The following CGNL1 variants were observed in gnomAD, a reference collection of about 807,000 sequenced individuals.
CGNL1 encodes cingulin like 1, also known as cingulin-like protein 1.
In CGNL1, 132 loss-of-function variants were observed where a neutral mutation model predicts 141.2. The ratio of observed to expected loss-of-function variants is 0.93; its 90% CI spans 0.81 to 1.08. The LOEUF (loss-of-function observed/expected upper bound fraction) is 1.08, where lower values mean the gene tolerates loss of function less well. Ranked by LOEUF, CGNL1 falls within the 50% of genes least tolerant of loss-of-function variation. The probability of loss-of-function intolerance (pLI) is 0.00; values close to 1 mark genes in which losing one functional copy is unlikely to be tolerated. For synonymous variants in CGNL1, 690 were observed against 622.1 expected, an observed-to-expected ratio of 1.11 and a Z score of -1.63; for missense variants, 1,870 against 1,588.6, an observed-to-expected ratio of 1.18 and a Z score of -3.01.
chr15:57,517,105 A>G (rs1392837113), intron 9 of CGNL1, 119 bp downstream of exon 9: 9 of 930,946 alleles, frequency 9.7e-6, no homozygotes, highest in South Asian at 3.2e-5. Context: ...AGGTCAAGGC[A>G]ATAGTGAATA....
At chr15:57,504,678 G>A (rs1305736847) in intron 8 of CGNL1, among the ~76,000 whole-genome samples, 1 of 152,174 alleles carries the variant, frequency 6.6e-6, no homozygotes, top group African/African-American at 2.4e-5. Flanking sequence ...TCTCTGCAGT[G>A]GGGTAGGAGG....
chr15:57,455,168 A>G lies in CGNL1; in HGVS notation c.2190+1350A>G, dbSNP rs546117692. Among the ~76,000 whole-genome samples the G allele has an allele frequency of 6.6e-5, 10 of 151,912 alleles. 1 individual carries two copies. In the East Asian group the frequency reaches 1.9e-3, roughly 29 times the overall value. ...ACAATATATTTAACCATTCTCCTAC[A>G]TTTTTTTTCCCTTTTTTGTAATTTT... On this transcript the variant is annotated intron_variant, in intron 7 of 18. Coordinates refer to ENST00000281282, the MANE Select transcript of CGNL1 (RefSeq NM_032866.5).
rs59213732 is a variant in CGNL1 at position 57,383,292 on chromosome 15, C to CTTTT, written c.-16+6735_-16+6738dup. On this transcript the variant is annotated intron_variant, in intron 1 of 18. Coordinates refer to ENST00000281282, the MANE Select transcript of CGNL1 (RefSeq NM_032866.5). ...TAACAAACTTAAGATTTCTTTCTTC[C>CTTTT]TTTTTTTTTTTTTGTTTTTTTGATA... is the stretch of plus-strand genomic sequence containing the variant. Among the ~76,000 whole-genome samples the CTTTT allele has an allele frequency of 1.7e-4, 19 of 109,602 alleles. 1 individual carries two copies. Among genetic ancestry groups the CTTTT allele is most frequent in the African/African-American group, 5.8e-4 (16 of 27,432 alleles). The allele number at this position is 109,602 out of a possible 152,430, so 71.9% of individuals were successfully genotyped here. A position where few individuals can be genotyped will look rare whatever the true frequency, so the allele number is the denominator to read the frequency against.
At chr15:57,381,584 T>C (rs1383805738) in intron 1 of CGNL1, among the ~76,000 whole-genome samples, 7 of 151,998 alleles carry the variant, frequency 4.6e-5, no homozygotes, top group African/African-American at 1.4e-4. Flanking sequence ...AAAAATAAAA[T>C]GGCAGAGTTG....
rs551893521 is a variant in CGNL1, at chr15:57,478,987, C to A, written c.2403+17095C>A. Among the ~76,000 whole-genome samples the A allele has an allele frequency of 1.7e-4, 26 of 152,282 alleles. No individual in the cohort carries two copies. The South Asian group carries it at 5.4e-3, about 32-fold the overall frequency. On this transcript the variant is annotated intron_variant, in intron 8 of 18. Transcript: ENST00000281282. ...TATCTAAATTAATCTGTTTATTGAT[C>A]TCTTAAGTAGAATCTGATTAATTGT...
At position 57,547,494 on chromosome 15, in the gene CGNL1, C is replaced by T. The variant is rs1218760953; in HGVS notation, c.*4C>T. 1 of 1,611,610 alleles carries T rather than the reference C, an allele frequency of 6.2e-7. No individual in the cohort carries two copies. ...CACCGTCGCCAGCCAGATCTGAGTG[C>T]TCTCCCGGGCTGTGGAAGTACCTGT... On this transcript the variant is annotated 3_prime_UTR_variant, in exon 19 of 19. Coordinates refer to ENST00000281282, the MANE Select transcript of CGNL1 (RefSeq NM_032866.5).
At chr15:57,511,862 C>T (rs374208439) in intron 8 of CGNL1, among the ~76,000 whole-genome samples, 10 of 152,168 alleles carry the variant, frequency 6.6e-5, no homozygotes, top group African/African-American at 2.2e-4. Flanking sequence ...TCTTTTAAAA[C>T]AAGACATCAC....
chr15:57,480,457 T>C (rs1595749051), intron 8 of CGNL1, among the ~76,000 whole-genome samples: 1 of 152,106 alleles, frequency 6.6e-6, no homozygotes. Context: ...GAGGCGGAGG[T>C]TGCAGTGAGC....
intron 7 of CGNL1, among the ~76,000 whole-genome samples, chr15:57,454,036 G>T (rs1302475573): frequency 1.3e-5 from 2 of 152,072 alleles, no homozygotes; most frequent in African/African-American, 2.4e-5. Context: ...CTCTTCTCTA[G>T]ATTATTATCT....
intron 1 of CGNL1, among the ~76,000 whole-genome samples, chr15:57,426,846 A>G (rs930239514): frequency 1.4e-4 from 21 of 152,074 alleles, no homozygotes; most frequent in African/African-American, 5.1e-4. Context: ...GTTTCTACCC[A>G]GTTCATTTCC....
At chr15:57,401,778 C>T (rs1324604225) in intron 1 of CGNL1, among the ~76,000 whole-genome samples, 1 of 152,172 alleles carries the variant, frequency 6.6e-6, no homozygotes, top group Admixed American at 6.5e-5. Flanking sequence ...ATATTCTCCT[C>T]TTCTTCAGTA....
intron 1 of CGNL1, among the ~76,000 whole-genome samples, chr15:57,434,303 C>G (rs1428692877): frequency 6.6e-6 from 1 of 151,834 alleles, no homozygotes; most frequent in Non-Finnish European, 1.5e-5. Flanking sequence ...AGTTGTATCT[C>G]TGAAAAGTAG....
Position 57,438,592 on chromosome 15 carries a change from C to A in CGNL1, c.593C>A (p.Ser198Tyr), listed in dbSNP as rs748440734. ...ACTTGCTTTCCCAAACCTAGCAATT[C>A]CCAGCCTACCAGTCCCTCCTTGGAA... ...PWTCFPKPSNSQPTSPSLEDP... is the reference protein window; with the variant it reads ...PWTCFPKPSNYQPTSPSLEDP... The change falls in exon 2 of 19, where the codon TCC (serine) becomes TAC (tyrosine). Residue 198 changes from serine (S) to tyrosine (Y), a missense_variant. Transcript: ENST00000281282. 6.8e-6 allele frequency: 11 copies of A among 1,613,634 alleles called. No homozygotes were observed. In the African/African-American group the frequency reaches 1.3e-4, roughly 20 times the overall value.
At chr15:57,413,120 A>G (rs1464103104) in intron 1 of CGNL1, among the ~76,000 whole-genome samples, 4 of 151,998 alleles carry the variant, frequency 2.6e-5, no homozygotes, top group Admixed American at 2.0e-4. Context: ...TGGCCTCCCA[A>G]AGTGCTGGGA....
At chr15:57,386,704 C>A (rs115097353) in intron 1 of CGNL1, among the ~76,000 whole-genome samples, 1 of 152,098 alleles carries the variant, frequency 6.6e-6, no homozygotes, top group Non-Finnish European at 1.5e-5. Flanking sequence ...ACGACAGTGA[C>A]GACGATAACA....
chr15:57,542,751 A>G (rs1185499282), intron 14 of CGNL1, among the ~76,000 whole-genome samples: 1 of 152,126 alleles, frequency 6.6e-6, no homozygotes, highest in Non-Finnish European at 1.5e-5. Flanking sequence ...ATTCCTCGTT[A>G]TGTACCTCTT....
At chr15:57,519,892 T>C (rs1335519121) in intron 10 of CGNL1, among the ~76,000 whole-genome samples, 1 of 152,218 alleles carries the variant, frequency 6.6e-6, no homozygotes, top group African/African-American at 2.4e-5. Context: ...ACAGGAACTT[T>C]TCACACATAC....
intron 1 of CGNL1, among the ~76,000 whole-genome samples, chr15:57,420,698 C>T (rs1392869298): frequency 2.0e-5 from 3 of 152,192 alleles, no homozygotes; most frequent in African/African-American, 7.2e-5. Context: ...GTTTTTCTAT[C>T]ACCTCCTTCT....
intron 13 of CGNL1, 89 bp from the exon 14 acceptor site, chr15:57,531,601 C>T (rs1475730954): frequency 1.7e-5 from 14 of 807,598 alleles, no homozygotes; most frequent in Non-Finnish European, 2.2e-5. Context: ...TCTCATTTGC[C>T]CTTAGGATTG....
Sources: gnomAD v4.1 joint callset for allele counts (sites outside exome capture counted in the v4.1 genomes callset) on GRCh38, gnomAD v4.1.1 for gene constraint, MANE v1.5 for transcripts, NCBI Gene and HGNC (gene_info 2026-07-23, HGNC 2026-07-21) for gene names.